Variants in PCDH7 observed in about 807,000 individuals in gnomAD.
The protein encoded by PCDH7 is protocadherin 7.
In PCDH7, 17 loss-of-function variants were observed where a neutral mutation model predicts 58.9. The observed-to-expected ratio is 0.29, with a 90% CI of 0.20 to 0.43. PCDH7 has a LOEUF of 0.43. PCDH7 is among the 20% of genes least tolerant of loss of function. The pLI, the probability that PCDH7 is intolerant of heterozygous loss-of-function variation, is 1.00. For missense variants in PCDH7, 1,274 were observed against 1,441.0 expected, an observed-to-expected ratio of 0.88 and a Z score of 1.88; for synonymous variants, 664 against 616.4, an observed-to-expected ratio of 1.08 and a Z score of -1.14.
intron 3 of PCDH7, among the ~76,000 whole-genome samples, chr4:30,991,834 A>C (rs1223780025): frequency 2.6e-5 from 4 of 152,168 alleles, no homozygotes; most frequent in Non-Finnish European, 5.9e-5. Context: ...TATTAAATAG[A>C]TATAAGACAG....
chr4:30,723,431 G>A lies in PCDH7; in HGVS notation c.2009G>A (p.Arg670Gln), dbSNP rs777965474. 1.2e-6 allele frequency: 2 copies of A among 1,614,142 alleles called. No homozygotes were observed. Among genetic ancestry groups the A allele is most frequent in the Non-Finnish European group, 8.5e-7 (1 of 1,180,026 alleles). The change falls in exon 1 of 2, where the codon CGG becomes CAG. Residue 670 changes from arginine (R) to glutamine (Q), a missense_variant. This residue lies in a region of PCDH7 where 731 missense variants were observed against 881.9 expected (regional missense o/e 0.83). Coordinates refer to ENST00000361762, the Ensembl canonical transcript of PCDH7. This position sits in a 1 kb window ranked among gnomAD's most constrained non-coding sequence, Gnocchi z 4.6. ...ACCGTGATGGATGCTGACAAGGGGC[G>A]GAATGCAGAGATGAGCCTGTACATA...
chr4:31,100,079 A>C (rs1442900956), intron 3 of PCDH7, among the ~76,000 whole-genome samples: 4 of 152,186 alleles, frequency 2.6e-5, no homozygotes, highest in African/African-American at 9.6e-5. Flanking sequence ...GATGTGTTAC[A>C]TAAAAACCTC....
At chr4:30,978,425 A>G (rs1165511226) in intron 3 of PCDH7, among the ~76,000 whole-genome samples, 1 of 152,240 alleles carries the variant, frequency 6.6e-6, no homozygotes, top group Non-Finnish European at 1.5e-5. Flanking sequence ...CATCCTGTTT[A>G]ATAGCCCATA....
At chr4:30,879,414 G>C (rs1279352094) in intron 1 of PCDH7, among the ~76,000 whole-genome samples, 1 of 151,940 alleles carries the variant, frequency 6.6e-6, no homozygotes, top group Non-Finnish European at 1.5e-5. Context: ...TTAAATTTTA[G>C]AACCGTGATC....
chr4:30,920,221 T>C (rs1195103684), exon 2 of PCDH7: 9 of 1,367,636 alleles, frequency 6.6e-6, no homozygotes, highest in East Asian at 9.1e-5. Flanking sequence ...CACTGCAGAG[T>C]TGCTATGACA....
intron 3 of PCDH7, among the ~76,000 whole-genome samples, chr4:31,060,144 C>G (rs1160675274): frequency 6.6e-6 from 1 of 151,692 alleles, no homozygotes; most frequent in African/African-American, 2.4e-5. Flanking sequence ...TCAGTGGCAT[C>G]TGGTTGCAAG....
intron 1 of PCDH7, among the ~76,000 whole-genome samples, chr4:30,784,643 T>C (rs1723180037): frequency 6.6e-6 from 1 of 152,114 alleles, no homozygotes; most frequent in Non-Finnish European, 1.5e-5. Context: ...TTTTCCTATC[T>C]ATTCATTTAT....
At chr4:30,899,463 C>T (rs922795580) in intron 1 of PCDH7, among the ~76,000 whole-genome samples, 2 of 152,096 alleles carry the variant, frequency 1.3e-5, no homozygotes, top group Admixed American at 1.3e-4. Flanking sequence ...CCTGTAGCTC[C>T]CTCCTGTAAG....
At chr4:31,083,327 T>C (rs1357656625) in intron 3 of PCDH7, among the ~76,000 whole-genome samples, 3 of 152,146 alleles carry the variant, frequency 2.0e-5, no homozygotes, top group African/African-American at 7.2e-5. Context: ...GAATAAATTA[T>C]AGATATTGAG....
chr4:30,815,855 G>A (rs1484949514), intron 1 of PCDH7, among the ~76,000 whole-genome samples: 1 of 152,170 alleles, frequency 6.6e-6, no homozygotes, highest in Non-Finnish European at 1.5e-5. Flanking sequence ...TTTAACAACT[G>A]CCTGATCATC....
chr4:30,763,213 C>T (rs1389338613), intron 1 of PCDH7, among the ~76,000 whole-genome samples: 1 of 152,134 alleles, frequency 6.6e-6, no homozygotes, highest in Non-Finnish European at 1.5e-5. Flanking sequence ...AAGAGTGAAA[C>T]TCCGTCTCAA....
At chr4:30,765,127 T>C (rs1397554751) in intron 1 of PCDH7, among the ~76,000 whole-genome samples, 1 of 80,130 alleles carries the variant, frequency 1.2e-5, no homozygotes. Flanking sequence ...TTCAGATGCT[T>C]TTTTTTTTTT....
intron 3 of PCDH7, among the ~76,000 whole-genome samples, chr4:31,124,764 A>T (rs1008256234): frequency 3.3e-5 from 5 of 152,254 alleles, no homozygotes; most frequent in Admixed American, 3.3e-4. Flanking sequence ...AAATCTGTAC[A>T]TTCTTTTCCA....
intron 1 of PCDH7, among the ~76,000 whole-genome samples, chr4:30,916,610 A>G (rs897885483): frequency 1.3e-5 from 2 of 152,194 alleles, no homozygotes. Flanking sequence ...TTATCACCCC[A>G]GACAGAAAAA....
chr4:31,134,476 C>T (rs964878572), intron 3 of PCDH7, among the ~76,000 whole-genome samples: 2 of 152,006 alleles, frequency 1.3e-5, no homozygotes, highest in African/African-American at 4.8e-5. Context: ...AAAAAACAAA[C>T]AAACAAAAAA....
chr4:30,895,852 G>T (rs186677080), intron 1 of PCDH7, among the ~76,000 whole-genome samples: 1 of 152,300 alleles, frequency 6.6e-6, no homozygotes, highest in African/African-American at 2.4e-5. Context: ...TCAAAGTGAA[G>T]CTAAGCACAG....
At chr4:31,027,222 C>T (rs1754507102) in intron 3 of PCDH7, among the ~76,000 whole-genome samples, 5 of 152,036 alleles carry the variant, frequency 3.3e-5, no homozygotes, top group Non-Finnish European at 5.9e-5. Flanking sequence ...AAATTGCCAG[C>T]TAAGCTTTCT....
chr4:30,911,619 G>C (rs573785365), intron 1 of PCDH7, among the ~76,000 whole-genome samples: 1 of 152,162 alleles, frequency 6.6e-6, no homozygotes, highest in Admixed American at 6.5e-5. Flanking sequence ...GAAGTTTTTA[G>C]AAAAACAATT....
rs145692728 is a variant in PCDH7, at chr4:31,100,232, G to A, written c.*8-42241G>A. 8.1e-3 allele frequency among the ~76,000 whole-genome samples: 1,236 copies of A among 152,292 alleles called. 14 individuals carry two copies. The highest frequency in any genetic ancestry group is 0.029 in the African/African-American group (1,192 of 41,564). ...GAAGTAAAGCTCGATAGGTAGATTT[G>A]TTAAAGAAGAGCAGTTTAATGGAGA... On this transcript the variant is annotated intron_variant, in intron 3 of 3. Transcript: ENST00000509759.
Sources: gnomAD v4.1 joint callset for allele counts (sites outside exome capture counted in the v4.1 genomes callset) on GRCh38, gnomAD v4.1.1 for gene constraint, gnomAD v4.1.1 regional missense constraint, Gnocchi (gnomAD v3.1) non-coding constraint, MANE v1.5 for transcripts, NCBI Gene and HGNC (gene_info 2026-07-23, HGNC 2026-07-21) for gene names.